PRKCA: variants seen among roughly 807,000 people sequenced by gnomAD.
PRKCA encodes protein kinase C alpha, also known as protein kinase C alpha type.
In PRKCA, 27 loss-of-function variants were observed where a neutral mutation model predicts 87.0. That is an observed-to-expected ratio of 0.31 (90% CI 0.23 to 0.43). The LOEUF (loss-of-function observed/expected upper bound fraction) is 0.43, where lower values mean the gene tolerates loss of function less well. PRKCA is among the 20% of genes least tolerant of loss of function. The pLI is 1.00. For missense variants in PRKCA, 518 were observed against 852.3 expected, an observed-to-expected ratio of 0.61 and a Z score of 4.88; for synonymous variants, 329 against 311.1, an observed-to-expected ratio of 1.06 and a Z score of -0.61.
At chr17:66,715,381 G>A (rs527724222) in intron 8 of PRKCA, among the ~76,000 whole-genome samples, 7 of 152,172 alleles carry the variant, frequency 4.6e-5, no homozygotes. Context: ...TCGTGTAACT[G>A]TCGTTACTTC....
At chr17:66,415,335 C>T (rs1384351485) in intron 2 of PRKCA, 1 of 152,160 alleles carries the variant, frequency 6.6e-6, no homozygotes, top group Non-Finnish European at 1.5e-5. Context: ...ATCAAATTAG[C>T]ATGAGGTTGA....
At chr17:66,773,852 G>C in intron 13 of PRKCA, 135 bp from the exon 14 acceptor site, 1 of 1,418,370 alleles carries the variant, frequency 7.1e-7, no homozygotes, top group South Asian at 1.3e-5. Context: ...TTCCCTTGGC[G>C]TAACATCAAA....
chr17:66,341,885 T>G (rs1236948966), intron 2 of PRKCA, among the ~76,000 whole-genome samples: 1 of 152,234 alleles, frequency 6.6e-6, no homozygotes, highest in Non-Finnish European at 1.5e-5. Context: ...GTGATAAAGA[T>G]TTCTAGTGAA....
At chr17:66,483,948 A>T (rs905971145) in intron 2 of PRKCA, among the ~76,000 whole-genome samples, 4 of 152,170 alleles carry the variant, frequency 2.6e-5, no homozygotes, top group African/African-American at 9.6e-5. Flanking sequence ...GTCCGTTTTC[A>T]TGCTGCTGAT....
intron 5 of PRKCA, among the ~76,000 whole-genome samples, chr17:66,675,445 A>G (rs780467892): frequency 4.5e-4 from 68 of 152,340 alleles, no homozygotes; most frequent in Non-Finnish European, 7.3e-4. Context: ...CAGCCGAAGT[A>G]GGAATGACCC....
At chr17:66,489,373 A>ATATATATATATATATATATATT (rs1308540132) in intron 2 of PRKCA, among the ~76,000 whole-genome samples, 3 of 102,098 alleles carry the variant, frequency 2.9e-5, no homozygotes, top group African/African-American at 9.3e-5. Flanking sequence ...ATATATATAT[A>ATATATATATATATATATATATT]TATATATATA....
chr17:66,450,795 C>CTTT (rs10645913), intron 2 of PRKCA, among the ~76,000 whole-genome samples: 2 of 152,226 alleles, frequency 1.3e-5, no homozygotes, highest in Admixed American at 1.3e-4. Flanking sequence ...GGCCCCTGTA[C>CTTT]TAGTACATTT....
In PRKCA at chr17:66,679,733, A is replaced by G. The variant is rs550126040; in HGVS notation, c.530-7378A>G. ...GCAACGTTTTCCTCCATCCCCTCCT[A>G]GCTGAGGCTGACTTCACCACCTCTT... On this transcript the variant is annotated intron_variant, in intron 5 of 16. Coordinates refer to ENST00000413366, the MANE Select transcript of PRKCA (RefSeq NM_002737.3). 9.9e-5 allele frequency among the ~76,000 whole-genome samples: 15 copies of G among 152,220 alleles called. No homozygotes were observed. In the South Asian group the frequency reaches 2.1e-3, roughly 21 times the overall value.
Position 66,545,255 on chromosome 17 carries a change from C to T in PRKCA, c.288+48972C>T, listed in dbSNP as rs138800139. Among the ~76,000 whole-genome samples the T allele has an allele frequency of 8.7e-3, 1,316 of 152,108 alleles. 25 individuals are homozygous for T. The highest frequency in any genetic ancestry group is 0.028 in the African/African-American group (1,166 of 41,468). On this transcript the variant is annotated intron_variant, in intron 3 of 16. Transcript: ENST00000413366. The stretch of plus-strand genomic sequence containing the variant: ...CATCCTGGCTAACACGGTGAAACCC[C>T]GCCTCTACTAAAAAATACAAAAAAT...
At chr17:66,725,647 CA>C (rs113071133) in intron 8 of PRKCA, among the ~76,000 whole-genome samples, 13,301 of 136,710 alleles carry the variant, frequency 0.097, 1,233 homozygotes, top group African/African-American at 0.25. Context: ...CGCATGTCTA[CA>C]AAAAAAAAAA....
chr17:66,735,209 T>A (rs569796754), intron 9 of PRKCA, among the ~76,000 whole-genome samples: 3 of 152,308 alleles, frequency 2.0e-5, no homozygotes, highest in South Asian at 4.1e-4. Context: ...ATAGAGAATG[T>A]TGAGTATTCA....
intron 2 of PRKCA, among the ~76,000 whole-genome samples, chr17:66,470,265 C>T (rs9646427): frequency 0.12 from 16,434 of 136,756 alleles, 1,422 homozygotes; most frequent in East Asian, 0.22. Flanking sequence ...GGCACAATCT[C>T]GGTTCACTGT....
At chr17:66,366,009 G>T (rs1376450785) in intron 2 of PRKCA, among the ~76,000 whole-genome samples, 1 of 152,150 alleles carries the variant, frequency 6.6e-6, no homozygotes, top group African/African-American at 2.4e-5. Context: ...TGTCCATCTC[G>T]TGACCAATAT....
chr17:66,332,990 C>G (rs1034687466), intron 2 of PRKCA, among the ~76,000 whole-genome samples: 13 of 152,130 alleles, frequency 8.5e-5, no homozygotes, highest in Non-Finnish European at 2.9e-5. Flanking sequence ...CGTGCCTGGC[C>G]GGTTCCTGAT....
chr17:66,768,261 T>TTTG (rs777128976), intron 13 of PRKCA, among the ~76,000 whole-genome samples: 3 of 128,106 alleles, frequency 2.3e-5, no homozygotes, highest in Admixed American at 7.8e-5. Flanking sequence ...TTTTTTTTTT[T>TTTG]GGGGGGGAGA....
At chr17:66,415,086 A>G (rs1157826697) in intron 2 of PRKCA, 1 of 152,034 alleles carries the variant, frequency 6.6e-6, no homozygotes, top group Admixed American at 6.6e-5. Context: ...AATTTTCACA[A>G]ATGGGCTTGG....
At chr17:66,530,105 A>C (rs1227197198) in intron 3 of PRKCA, among the ~76,000 whole-genome samples, 1 of 152,218 alleles carries the variant, frequency 6.6e-6, no homozygotes, top group African/African-American at 2.4e-5. Flanking sequence ...CCCCATGTTC[A>C]GTGTTCTTTG....
At chr17:66,339,575 GT>G (rs1428401849) in intron 2 of PRKCA, among the ~76,000 whole-genome samples, 2 of 152,030 alleles carry the variant, frequency 1.3e-5, no homozygotes, top group Non-Finnish European at 2.9e-5. Flanking sequence ...TTTTTATTCT[GT>G]TCATTTTAGA....
At chr17:66,746,355 G>A (rs947530839) in intron 13 of PRKCA, among the ~76,000 whole-genome samples, 1 of 151,684 alleles carries the variant, frequency 6.6e-6, no homozygotes, top group Non-Finnish European at 1.5e-5. Context: ...TTCCTCATAA[G>A]TGTTCAGTAA....
Sources: allele counts gnomAD v4.1 joint callset (sites outside exome capture counted in the v4.1 genomes callset), GRCh38; gene constraint gnomAD v4.1.1; transcripts MANE v1.5; gene names NCBI Gene and HGNC (gene_info 2026-07-23, HGNC 2026-07-21).